The following OSBPL1A variants were observed in gnomAD, a reference collection of about 807,000 sequenced individuals.
The protein encoded by OSBPL1A is oxysterol-binding protein-related protein 1.
A neutral mutation model predicts 137.1 loss-of-function variants in OSBPL1A; 80 were observed. That is an observed-to-expected ratio of 0.58 (90% confidence interval 0.49 to 0.70). The LOEUF is 0.70. Ranked by LOEUF, OSBPL1A falls within the 30% of genes least tolerant of loss-of-function variation. The probability of loss-of-function intolerance (pLI) is 0.00; values close to 1 mark genes in which losing one functional copy is unlikely to be tolerated. For missense variants in OSBPL1A, 970 were observed against 1,129.4 expected (o/e 0.86, Z 2.02); for synonymous variants, 365 against 389.7 (o/e 0.94, Z 0.75).
chr18:24,286,518 A>T (rs2090069461), intron 14 of OSBPL1A, among the ~76,000 whole-genome samples: 1 of 152,174 alleles, frequency 6.6e-6, no homozygotes. Context: ...AATGAATAAT[A>T]AAAAGATAAT....
intron 1 of OSBPL1A, among the ~76,000 whole-genome samples, chr18:24,384,874 G>GA (rs766492169): frequency 0.022 from 2,972 of 132,916 alleles, 91 homozygotes; most frequent in African/African-American, 0.068. Context: ...AACTGTCTCG[G>GA]AAAAAAAAAA....
chr18:24,364,180 C>A (rs2091669500), intron 4 of OSBPL1A, among the ~76,000 whole-genome samples: 1 of 152,188 alleles, frequency 6.6e-6, no homozygotes, highest in African/African-American at 2.4e-5. Flanking sequence ...CTTAATGAGA[C>A]AACCCTGAAA....
At chr18:24,208,174 T>A (rs74404247) in intron 17 of OSBPL1A, among the ~76,000 whole-genome samples, 3,136 of 152,300 alleles carry the variant, frequency 0.021, 104 homozygotes, top group African/African-American at 0.071. Flanking sequence ...AGCTAAACTA[T>A]AAAATAAACT....
chr18:24,303,147 C>T (rs1270361961), intron 14 of OSBPL1A, among the ~76,000 whole-genome samples: 3 of 152,154 alleles, frequency 2.0e-5, no homozygotes, highest in Non-Finnish European at 4.4e-5. Flanking sequence ...ATTACAAGCA[C>T]GTGCCACCAC....
At chr18:24,375,046 G>A (rs1905985429) in intron 2 of OSBPL1A, among the ~76,000 whole-genome samples, 1 of 152,074 alleles carries the variant, frequency 6.6e-6, no homozygotes, top group Non-Finnish European at 1.5e-5. Flanking sequence ...TAGATGCAAT[G>A]GATCACACCT....
chr18:24,347,122 T>C (rs1471719503), intron 4 of OSBPL1A, among the ~76,000 whole-genome samples: 2 of 152,176 alleles, frequency 1.3e-5, no homozygotes, highest in South Asian at 2.1e-4. Flanking sequence ...ATACTTTTTC[T>C]ATAAAAGTAT....
At chr18:24,183,272 GA>G (rs1403939013) in intron 18 of OSBPL1A, among the ~76,000 whole-genome samples, 1 of 151,684 alleles carries the variant, frequency 6.6e-6, no homozygotes, top group Non-Finnish European at 1.5e-5. Flanking sequence ...TAATAATATT[GA>G]AATAAAAACA....
intron 18 of OSBPL1A, among the ~76,000 whole-genome samples, chr18:24,194,334 T>G (rs577670564): frequency 6.6e-6 from 1 of 152,352 alleles, no homozygotes; most frequent in African/African-American, 2.4e-5. Context: ...AATGTTACTT[T>G]AATATAATAG....
intron 16 of OSBPL1A, among the ~76,000 whole-genome samples, chr18:24,236,736 C>T (rs954120834): frequency 6.6e-6 from 1 of 152,148 alleles, no homozygotes. Flanking sequence ...CAGGATCGTT[C>T]TCAACACAGC....
chr18:24,283,766 T>TA (rs1285727123), intron 14 of OSBPL1A, among the ~76,000 whole-genome samples: 3 of 152,138 alleles, frequency 2.0e-5, no homozygotes, highest in Admixed American at 6.5e-5. Flanking sequence ...CATTCATAGA[T>TA]ATAGTTCTTT....
intron 14 of OSBPL1A, among the ~76,000 whole-genome samples, chr18:24,281,375 C>T (rs532103731): frequency 1.4e-4 from 21 of 150,856 alleles, no homozygotes; most frequent in Admixed American, 4.6e-4. Flanking sequence ...TGAGTCACCG[C>T]GCCCGGCTTT....
chr18:24,171,042 GTTTTTT>G (rs748362943), intron 23 of OSBPL1A, among the ~76,000 whole-genome samples: 1 of 140,604 alleles, frequency 7.1e-6, no homozygotes, highest in African/African-American at 2.6e-5. Context: ...AATTTTTTTT[GTTTTTT>G]TTTTTTTAGA....
chr18:24,195,888 G>A, intron 18 of OSBPL1A: 1 of 469,484 alleles, frequency 2.1e-6, no homozygotes. Flanking sequence ...CAGAAACACG[G>A]CATTTTCAGT....
intron 15 of OSBPL1A, among the ~76,000 whole-genome samples, chr18:24,278,912 G>A (rs1168550143): frequency 6.6e-6 from 1 of 152,106 alleles, no homozygotes; most frequent in Non-Finnish European, 1.5e-5. Context: ...AAATAGAAGT[G>A]CTGAGGAGGG....
chr18:24,320,060 T>C lies in OSBPL1A; in HGVS notation c.626-1251A>G, dbSNP rs146172057. Among the ~76,000 whole-genome samples the C allele has an allele frequency of 4.7e-3, 708 of 151,814 alleles. 2 individuals carry two copies. The highest frequency in any genetic ancestry group is 0.016 in the African/African-American group (664 of 41,418). On this transcript the variant is annotated intron_variant, in intron 7 of 27. Transcript: ENST00000319481. Reference sequence around the variant, plus strand: ...TCCCAGCTACCACTGCACTCCAGACTGGGTGACAGAGTGAGACTCTGTCTC... The same window carrying C: ...TCCCAGCTACCACTGCACTCCAGACCGGGTGACAGAGTGAGACTCTGTCTC...
chr18:24,307,144 T>G (rs1315949161), intron 13 of OSBPL1A, among the ~76,000 whole-genome samples: 1 of 151,232 alleles, frequency 6.6e-6, no homozygotes, highest in Non-Finnish European at 1.5e-5. Flanking sequence ...TTACCCAGGC[T>G]TGGTGGCACA....
intron 1 of OSBPL1A, among the ~76,000 whole-genome samples, chr18:24,381,828 G>T (rs1005576549): frequency 6.6e-6 from 1 of 151,832 alleles, no homozygotes; most frequent in Non-Finnish European, 1.5e-5. Context: ...AGGCGTGGTG[G>T]TGGGCGCCTG....
intron 15 of OSBPL1A, among the ~76,000 whole-genome samples, chr18:24,256,918 C>T (rs2730019): frequency 8.5e-6 from 1 of 117,292 alleles, no homozygotes; most frequent in Non-Finnish European, 1.6e-5. Flanking sequence ...TGAAAGATCT[C>T]TATGGTGAAA....
intron 12 of OSBPL1A, 59 bp from the exon 13 acceptor site, chr18:24,312,165 T>C: frequency 6.3e-7 from 1 of 1,594,404 alleles, no homozygotes; most frequent in East Asian, 2.2e-5. Flanking sequence ...AAAGAGATAA[T>C]ATTACAATGA....
Sources: allele counts gnomAD v4.1 joint callset (sites outside exome capture counted in the v4.1 genomes callset), GRCh38; gene constraint gnomAD v4.1.1; transcripts MANE v1.5; gene names NCBI Gene and HGNC (gene_info 2026-07-23, HGNC 2026-07-21).